The following CITED1 variants were observed in gnomAD, a reference collection of about 807,000 sequenced individuals.
CITED1 encodes cbp/p300-interacting transactivator 1.
CITED1 carries 3 observed loss-of-function variants against 8.5 expected under a neutral mutation model. The ratio of observed to expected loss-of-function variants is 0.35; its 90% CI spans 0.16 to 0.91. The LOEUF (loss-of-function observed/expected upper bound fraction) is 0.91. Among genes scored for constraint, CITED1 ranks in the 40% least tolerant of loss-of-function variants. CITED1 has a pLI of 0.46. For synonymous variants in CITED1, 54 were observed against 67.4 expected, an observed-to-expected ratio of 0.80 and a Z score of 0.97; for missense variants, 113 against 154.8, an observed-to-expected ratio of 0.73 and a Z score of 1.43.
In CITED1 at chrX:72,302,217, C is replaced by A. The variant is rs1331917536; in HGVS notation, c.88G>T (p.Ala30Ser). The A allele has an allele frequency of 8.3e-7, 1 of 1,205,103 alleles. No homozygotes were observed. Among genetic ancestry groups the A allele is most frequent in the African/African-American group, 1.7e-5 (1 of 57,289 alleles). Residue 30 changes from alanine to serine, a missense_variant, in exon 3 of 3, where the codon GCC becomes TCC. Ala to Ser is a moderately conservative substitution (Grantham distance 99, BLOSUM62 1). Coordinates refer to ENST00000651998, the MANE Select transcript of CITED1 (RefSeq NM_001144887.2). ...TCTTTCACCGCAAGGTTGGAGTAGG[C>A]CACGGAGCTCATCTCTTGGTTGGCA... is the stretch of plus-strand genomic sequence containing the variant. The part of the protein sequence containing the change: ...EDANQEMSSV[A>S]YSNLAVKDRK...
At chrX:72,302,350 G>A in intron 2 of CITED1, 106 bp from the exon 3 acceptor site, 3 of 957,227 alleles carry the variant, frequency 3.1e-6, no homozygotes, top group Non-Finnish European at 4.2e-6. Context: ...GGGACTAGAG[G>A]TGGAGAGGTA....
chrX:72,302,841 T>C lies in CITED1; in HGVS notation c.29A>G (p.Asp10Gly), dbSNP rs1304015269. 1.7e-6 allele frequency: 2 copies of C among 1,210,798 alleles called. No homozygotes were observed. Among genetic ancestry groups the C allele is most frequent in the South Asian group, 1.8e-5 (1 of 56,756 alleles). MPTTSRPAL[D>G]VKGGTSPAKE... ...CGCAGGTGAGGTGCCACCCTTGACA[T>C]CAAGTGCAGGCCTCGACGTTGTTGG... The change falls in exon 2 of 3, where the codon GAT (aspartate) becomes GGT (glycine). Residue 10 changes from aspartate (D) to glycine (G), a missense_variant. By Grantham distance (94) the Asp-to-Gly change is moderately conservative (BLOSUM62 -1). Transcript: ENST00000651998.
chrX:72,305,293 G>A, intron 1 of CITED1: 1 of 1,166,272 alleles, frequency 8.6e-7, no homozygotes. Flanking sequence ...AAGTTAAAAT[G>A]GCACCAACCG....
chrX:72,303,315 AT>A (rs1293845026), intron 1 of CITED1, among the ~76,000 whole-genome samples: 1 of 112,947 alleles, frequency 8.9e-6, no homozygotes, highest in Non-Finnish European at 1.9e-5. Flanking sequence ...GGCTACTAGC[AT>A]CCAGGCTGGA....
upstream of CITED1, among the ~76,000 whole-genome samples, chrX:72,306,234 C>T (rs1191047759): frequency 6.3e-5 from 7 of 111,337 alleles, no homozygotes; most frequent in Admixed American, 5.6e-4. Context: ...CTGCCGTCTC[C>T]CCGGGAGAAG....
chrX:72,306,299 CGCTG>C (rs2043338864), upstream of CITED1, among the ~76,000 whole-genome samples: 1 of 108,890 alleles, frequency 9.2e-6, no homozygotes, highest in African/African-American at 3.3e-5. Context: ...CGAACCCGAG[CGCTG>C]GCGGGCGGGC....
intron 1 of CITED1, chrX:72,305,559 C>G (rs1300135608): frequency 2.7e-6 from 1 of 372,412 alleles, no homozygotes; most frequent in East Asian, 4.8e-5. Context: ...CCTGAGCGTC[C>G]GTTCCCGCAA....
At chrX:72,305,660 G>A in intron 1 of CITED1, 165 bp downstream of exon 1, 2 of 199,351 alleles carry the variant, frequency 1.0e-5, no homozygotes, top group Non-Finnish European at 1.8e-5. Context: ...GCACTCCGGC[G>A]CCGGCTGCTG....
At chrX:72,305,613 G>T in intron 1 of CITED1, 1 of 242,371 alleles carries the variant, frequency 4.1e-6, no homozygotes, top group Non-Finnish European at 7.3e-6. Context: ...TGGACAGGCA[G>T]GAAGGGGCAC....
At chrX:72,305,192 C>T (rs1431606466) in intron 1 of CITED1, 1 of 752,169 alleles carries the variant, frequency 1.3e-6, no homozygotes, top group African/African-American at 2.1e-5. Context: ...GCGAGCAGCC[C>T]CCTCCCGCCT....
intron 1 of CITED1, chrX:72,305,552 G>C (rs2043329054): frequency 2.6e-6 from 1 of 380,048 alleles, no homozygotes; most frequent in South Asian, 3.7e-5. Context: ...CCGGGGCCCT[G>C]AGCGTCCGTT....
At position 72,302,192 on chromosome X, in the gene CITED1, T is replaced by C. The variant is rs1264127406; in HGVS notation, c.113A>G (p.Asp38Gly). 1.7e-6 allele frequency: 2 copies of C among 1,206,504 alleles called. No individual in the cohort carries two copies. The highest frequency in any genetic ancestry group is 2.2e-6 in the Non-Finnish European group (2 of 892,709). Residue 38 changes from aspartate to glycine, a missense_variant, in exon 3 of 3, where the codon GAT becomes GGT. Asp to Gly is a moderately conservative substitution (Grantham distance 94, BLOSUM62 -1). Transcript: ENST00000651998. ...GTGCAGAATGGCCACTGCTTTGCGA[T>C]CTTTCACCGCAAGGTTGGAGTAGGC... is the stretch of plus-strand genomic sequence containing the variant. ...SVAYSNLAVK[D>G]RKAVAILHYP...
chrX:72,304,838 C>G (rs1215443307), intron 1 of CITED1, among the ~76,000 whole-genome samples: 1 of 112,103 alleles, frequency 8.9e-6, no homozygotes, highest in East Asian at 2.8e-4. Flanking sequence ...ACTGACCCAC[C>G]ACCCACCCTG....
rs1043814502 is a variant in CITED1, at chrX:72,302,053, G to T, written c.252C>A (p.Asn84Lys). 1.7e-6 allele frequency: 2 copies of T among 1,194,327 alleles called. No individual in the cohort carries two copies. The highest frequency in any genetic ancestry group is 3.5e-5 in the African/African-American group (2 of 57,015). The change falls in exon 3 of 3, where the codon AAC (asparagine) becomes AAA (lysine). Residue 84 changes from asparagine to lysine, a missense_variant. Asn to Lys is a moderately conservative substitution (Grantham distance 94, BLOSUM62 0). Transcript: ENST00000651998. ...CCAGCAAGTGAGGGGCGGGGTGCAG[G>T]TTGAAGGATGGGGGTTTAGTGGGAG... ...TTPPTKPPSF[N>K]LHPAPHLLAS...
chrX:72,305,495 G>C (rs2085259285), intron 1 of CITED1: 1 of 436,583 alleles, frequency 2.3e-6, no homozygotes, highest in Non-Finnish European at 4.0e-6. Flanking sequence ...CGGAACCGGG[G>C]GCGGCCGGGA....
chrX:72,306,682 C>G (rs1220028516), upstream of CITED1: 2 of 109,909 alleles, frequency 1.8e-5, no homozygotes, highest in African/African-American at 6.5e-5. Context: ...CGCCGCTGCA[C>G]CGCACAGTGC....
upstream of CITED1, chrX:72,306,947 A>C (rs1489296101): frequency 1.9e-5 from 2 of 107,113 alleles, no homozygotes; most frequent in East Asian, 5.9e-4. Flanking sequence ...CCACGTCTTT[A>C]TAACCGGCTT....
At position 72,302,856 on chromosome X, in the gene CITED1, G is replaced by A; in HGVS notation, c.14C>T (p.Ser5Leu). 3 of 1,210,990 alleles carry A rather than the reference G, an allele frequency of 2.5e-6. No homozygotes were observed. The highest frequency in any genetic ancestry group is 3.0e-5 in the East Asian group (1 of 33,860). The change falls in exon 2 of 3, where the codon TCG becomes TTG. Residue 5 changes from serine (S) to leucine (L), a missense_variant. Transcript: ENST00000651998. MPTT[S>L]RPALDVKGGT... is the part of the protein sequence containing the mutation. ...ACCCTTGACATCAAGTGCAGGCCTC[G>A]ACGTTGTTGGCATTTCAGAGCCTTG...
chrX:72,302,229 T>C lies in CITED1; in HGVS notation c.76A>G (p.Met26Val). The change falls in exon 3 of 3, where the codon ATG becomes GTG. Residue 26 changes from methionine to valine, a missense_variant. Met to Val is a conservative substitution (Grantham distance 21). Coordinates refer to ENST00000651998, the MANE Select transcript of CITED1 (RefSeq NM_001144887.2). ...AGGTTGGAGTAGGCCACGGAGCTCATCTCTTGGTTGGCATCCTAGAAGACA... is the reference window on the plus strand; with the variant it reads ...AGGTTGGAGTAGGCCACGGAGCTCACCTCTTGGTTGGCATCCTAGAAGACA... Reference protein sequence around the residue: ...SPAKEDANQEMSSVAYSNLAV... With the variant: ...SPAKEDANQEVSSVAYSNLAV... 5.0e-6 allele frequency: 6 copies of C among 1,205,711 alleles called. No individual in the cohort carries two copies. Among genetic ancestry groups the C allele is most frequent in the Non-Finnish European group, 6.7e-6 (6 of 891,831 alleles).
Sources: allele counts gnomAD v4.1 joint callset (sites outside exome capture counted in the v4.1 genomes callset), GRCh38; gene constraint gnomAD v4.1.1; transcripts MANE v1.5; gene names NCBI Gene and HGNC (gene_info 2026-07-23, HGNC 2026-07-21).